Variants in CA10 observed in about 807,000 individuals in gnomAD.
CA10 encodes carbonic anhydrase 10 (inactive).
In CA10, 14 loss-of-function variants were observed where a neutral mutation model predicts 44.2. The ratio of observed to expected loss-of-function variants is 0.32; its 90% CI spans 0.21 to 0.50. The LOEUF (loss-of-function observed/expected upper bound fraction) is 0.50, where lower values mean the gene tolerates loss of function less well. Among genes scored for constraint, CA10 ranks in the 20% least tolerant of loss-of-function variants. The pLI is 0.99. For missense variants in CA10, 350 were observed against 409.7 expected (o/e 0.85, Z 1.26); for synonymous variants, 159 against 141.6 (o/e 1.12, Z -0.87).
intron 1 of CA10, among the ~76,000 whole-genome samples, chr17:52,133,081 T>G (rs1405494909): frequency 6.6e-6 from 1 of 152,168 alleles, no homozygotes; most frequent in Non-Finnish European, 1.5e-5. Flanking sequence ...CCATGTTGCA[T>G]GGAGCTGCTT....
intron 3 of CA10, among the ~76,000 whole-genome samples, chr17:51,849,233 G>GTGTGTA (rs1387448675): frequency 2.0e-4 from 8 of 39,896 alleles, no homozygotes; most frequent in East Asian, 5.9e-4. Context: ...ATATGTGTGT[G>GTGTGTA]TATATATATA....
intron 1 of CA10, among the ~76,000 whole-genome samples, chr17:52,150,695 AG>A (rs1434217259): frequency 1.3e-5 from 2 of 152,206 alleles, no homozygotes; most frequent in African/African-American, 4.8e-5. Context: ...AATGCTTTGT[AG>A]TACTTTGAGC....
intron 1 of CA10, among the ~76,000 whole-genome samples, chr17:52,121,925 G>T (rs2143319206): frequency 6.6e-6 from 1 of 152,298 alleles, no homozygotes; most frequent in Admixed American, 6.5e-5. Context: ...AACCTCTGGT[G>T]CATCTCTCAG....
intron 3 of CA10, among the ~76,000 whole-genome samples, chr17:51,890,498 G>GTTGT (rs929053689): frequency 1.3e-5 from 2 of 152,064 alleles, no homozygotes; most frequent in African/African-American, 4.8e-5. Context: ...GGGCTATTTT[G>GTTGT]TTGTTTGTTT....
intron 3 of CA10, among the ~76,000 whole-genome samples, chr17:51,925,478 C>T (rs565292636): frequency 2.6e-5 from 4 of 150,986 alleles, no homozygotes; most frequent in Non-Finnish European, 5.9e-5. Context: ...GATTGGAATC[C>T]TTGTGTGTTG....
chr17:51,817,632 C>T (rs1204716579), intron 3 of CA10, among the ~76,000 whole-genome samples: 1 of 152,160 alleles, frequency 6.6e-6, no homozygotes, highest in Non-Finnish European at 1.5e-5. Flanking sequence ...AACTAGTTAA[C>T]TGTATCGATG....
At chr17:51,852,520 C>A (rs548314619) in intron 3 of CA10, among the ~76,000 whole-genome samples, 1 of 152,108 alleles carries the variant, frequency 6.6e-6, no homozygotes, top group South Asian at 2.1e-4. Context: ...GCATGATGAA[C>A]CTTCAGATTA....
intron 2 of CA10, among the ~76,000 whole-genome samples, chr17:51,942,339 A>G (rs991143083): frequency 6.6e-6 from 1 of 152,044 alleles, no homozygotes. Flanking sequence ...AACCACATAT[A>G]TAATCCGTTG....
chr17:51,632,034 C>T (rs1912603820), intron 8 of CA10, among the ~76,000 whole-genome samples: 1 of 152,116 alleles, frequency 6.6e-6, no homozygotes, highest in African/African-American at 2.4e-5. Context: ...AACAACAGTC[C>T]ACAGATCTAA....
At chr17:51,898,183 T>C (rs754237419) in intron 3 of CA10, among the ~76,000 whole-genome samples, 2 of 152,186 alleles carry the variant, frequency 1.3e-5, no homozygotes, top group Non-Finnish European at 1.5e-5. Context: ...GCATTTTCAG[T>C]ACGATGTTGG....
At chr17:51,763,315 A>G (rs1370046180) in intron 3 of CA10, 1 of 152,258 alleles carries the variant, frequency 6.6e-6, no homozygotes, top group Non-Finnish European at 1.5e-5. Flanking sequence ...CTTTATTGCC[A>G]TCTAATGACC....
intron 2 of CA10, among the ~76,000 whole-genome samples, chr17:52,019,254 G>C (rs914007157): frequency 1.3e-5 from 2 of 152,056 alleles, no homozygotes; most frequent in Non-Finnish European, 1.5e-5. Flanking sequence ...TTTAAAATTA[G>C]GGTAAAGAGT....
intron 3 of CA10, among the ~76,000 whole-genome samples, chr17:51,865,985 A>T (rs1979529690): frequency 6.6e-6 from 1 of 152,230 alleles, no homozygotes; most frequent in African/African-American, 2.4e-5. Context: ...TGATGCAGTG[A>T]ATGAGCTGTT....
chr17:51,745,441 A>G (rs764051590), intron 4 of CA10, among the ~76,000 whole-genome samples: 17 of 152,192 alleles, frequency 1.1e-4, no homozygotes, highest in Non-Finnish European at 1.2e-4. Context: ...CTTCACTGGG[A>G]ACACATAATA....
chr17:52,042,861 C>G (rs1198398851), intron 2 of CA10, among the ~76,000 whole-genome samples: 1 of 151,862 alleles, frequency 6.6e-6, no homozygotes, highest in Non-Finnish European at 1.5e-5. Context: ...CTATCCTTTC[C>G]CTGTTGTGTA....
chr17:51,900,202 ACCTCTTATAAGG>A (rs1441012909), intron 3 of CA10, among the ~76,000 whole-genome samples: 1 of 152,140 alleles, frequency 6.6e-6, no homozygotes, highest in East Asian at 1.9e-4. Flanking sequence ...TCCCTTAAGG[ACCTCTTATAAGG>A]CAGGTCTGGA....
At chr17:51,649,536 G>A (rs1364902606) in intron 5 of CA10, among the ~76,000 whole-genome samples, 2 of 152,200 alleles carry the variant, frequency 1.3e-5, no homozygotes, top group East Asian at 1.9e-4. Flanking sequence ...GCCACCACCT[G>A]AGAATCTAAG....
At chr17:51,783,897 A>C (rs570767725) in intron 3 of CA10, among the ~76,000 whole-genome samples, 1 of 152,188 alleles carries the variant, frequency 6.6e-6, no homozygotes, top group East Asian at 1.9e-4. Flanking sequence ...GTTCCCATAC[A>C]CAGCTGTGTA....
chr17:52,142,503 G>A (rs1989503259), intron 1 of CA10, among the ~76,000 whole-genome samples: 1 of 151,996 alleles, frequency 6.6e-6, no homozygotes, highest in Admixed American at 6.6e-5. Context: ...AATCACTGAT[G>A]GGGTTATTTT....
Sources: gnomAD v4.1 joint callset for allele counts (sites outside exome capture counted in the v4.1 genomes callset) on GRCh38, gnomAD v4.1.1 for gene constraint, MANE v1.5 for transcripts, NCBI Gene and HGNC (gene_info 2026-07-23, HGNC 2026-07-21) for gene names.